Variants in HIVEP1 observed in about 807,000 individuals in gnomAD.
The protein encoded by HIVEP1 is HIVEP zinc finger 1, also known as zinc finger protein 40.
HIVEP1 carries 36 observed loss-of-function variants against 180.0 expected under a neutral mutation model. The observed-to-expected ratio is 0.20, with a 90% confidence interval of 0.15 to 0.26. The LOEUF (loss-of-function observed/expected upper bound fraction) is 0.26, where lower values mean the gene tolerates loss of function less well. Ranked by LOEUF, HIVEP1 falls within the 10% of genes least tolerant of loss-of-function variation. The probability of loss-of-function intolerance (pLI) is 1.00; values close to 1 mark genes in which losing one functional copy is unlikely to be tolerated. For missense variants in HIVEP1, 3,143 were observed against 3,268.7 expected, an observed-to-expected ratio of 0.96 and a Z score of 0.94; for synonymous variants, 1,239 against 1,239.0, an observed-to-expected ratio of 1.00 and a Z score of 0.00.
chr6:12,168,354 T>C (rs1217856985), downstream of HIVEP1, among the ~76,000 whole-genome samples: 1,657 of 90,896 alleles, frequency 0.018, 23 homozygotes, highest in Middle Eastern at 0.038. Flanking sequence ...CATGTATATG[T>C]ATATATTATA....
In HIVEP1 at chr6:12,124,244, C is replaced by T; in HGVS notation, c.4449C>T (p.His1483=). ...CTGAGTTTTCTGCAAATACTTTGCA[C>T]TCTCAGACTCAGGTTAAGGATCTGC... ...SLAEFSANTL[H]SQTQVKDLQA... is the part of the protein sequence containing the mutation. The change falls in exon 4 of 9, where the codon CAC becomes CAT. Residue 1483 remains histidine (H), a synonymous_variant. Transcript: ENST00000379388. 6.2e-7 allele frequency: 1 copy of T among 1,614,138 alleles called. No individual in the cohort carries two copies. Among genetic ancestry groups the T allele is most frequent in the Admixed American group, 1.7e-5 (1 of 60,024 alleles).
the HIVEP1 span, among the ~76,000 whole-genome samples, chr6:12,173,072 C>A: frequency 6.6e-6 from 1 of 152,020 alleles, no homozygotes; most frequent in East Asian, 1.9e-4. Flanking sequence ...AAAGAGCAAT[C>A]CAAAGTGACA....
intron 3 of HIVEP1, among the ~76,000 whole-genome samples, chr6:12,102,527 A>G (rs189743532): frequency 2.4e-4 from 36 of 152,296 alleles, no homozygotes; most frequent in Admixed American, 1.5e-3. Context: ...TGTACAAATG[A>G]CACCAAGGCT....
chr6:12,107,456 G>C (rs1774506053), intron 3 of HIVEP1, among the ~76,000 whole-genome samples: 1 of 152,222 alleles, frequency 6.6e-6, no homozygotes, highest in African/African-American at 2.4e-5. Context: ...TAAAGGTTGG[G>C]TGGCTGTTGC....
At chr6:12,135,232 A>T (rs1015822564) in intron 6 of HIVEP1, among the ~76,000 whole-genome samples, 7 of 152,182 alleles carry the variant, frequency 4.6e-5, no homozygotes, top group Non-Finnish European at 8.8e-5. Flanking sequence ...AAACAAAAAA[A>T]CTGGCCCAGA....
At chr6:12,141,314 C>T (rs569310548) in intron 7 of HIVEP1, among the ~76,000 whole-genome samples, 1 of 152,122 alleles carries the variant, frequency 6.6e-6, no homozygotes, top group East Asian at 1.9e-4. Flanking sequence ...TATAGACAAG[C>T]AAATGCTGAG....
the HIVEP1 span, among the ~76,000 whole-genome samples, chr6:12,186,951 G>A: frequency 1.5e-4 from 22 of 151,570 alleles, no homozygotes; most frequent in Non-Finnish European, 3.1e-4. Flanking sequence ...TTAAATACAT[G>A]GAAAATCTGG....
At chr6:12,096,549 G>T (rs569968764) in intron 3 of HIVEP1, among the ~76,000 whole-genome samples, 2 of 151,490 alleles carry the variant, frequency 1.3e-5, no homozygotes, top group East Asian at 3.9e-4. Context: ...ATTTTACAAT[G>T]ATATTATTAA....
intron 2 of HIVEP1, among the ~76,000 whole-genome samples, chr6:12,082,002 A>G (rs940368986): frequency 2.5e-4 from 38 of 152,122 alleles, no homozygotes; most frequent in African/African-American, 7.2e-5. Flanking sequence ...TTTGACATTG[A>G]AATGCTGTTC....
chr6:12,019,047 C>G (rs1214598583), intron 2 of HIVEP1, among the ~76,000 whole-genome samples: 1 of 152,114 alleles, frequency 6.6e-6, no homozygotes, highest in African/African-American at 2.4e-5. Context: ...AGTTGTTTGA[C>G]TAAGGTAGTT....
intron 7 of HIVEP1, among the ~76,000 whole-genome samples, chr6:12,146,306 G>GA (rs1445920297): frequency 6.6e-6 from 1 of 152,152 alleles, no homozygotes; most frequent in Non-Finnish European, 1.5e-5. Context: ...AGCCAGGCAT[G>GA]ATGGCGCATG....
chr6:12,111,708 C>A (rs986481047), intron 3 of HIVEP1, among the ~76,000 whole-genome samples: 7 of 152,238 alleles, frequency 4.6e-5, no homozygotes, highest in African/African-American at 1.7e-4. Flanking sequence ...TGTTCAATAC[C>A]TCTGACTTCA....
chr6:12,039,818 G>A (rs1041566838), intron 2 of HIVEP1, among the ~76,000 whole-genome samples: 1 of 152,156 alleles, frequency 6.6e-6, no homozygotes, highest in African/African-American at 2.4e-5. Context: ...ATGCAGCCAG[G>A]ACAGGGGATA....
At chr6:12,050,141 C>T (rs77619127) in intron 2 of HIVEP1, among the ~76,000 whole-genome samples, 4,678 of 152,232 alleles carry the variant, frequency 0.031, 228 homozygotes, top group African/African-American at 0.1. Flanking sequence ...CCTACTCCGC[C>T]AGCCCAGTGG....
the HIVEP1 span, among the ~76,000 whole-genome samples, chr6:12,209,055 T>C: frequency 6.6e-6 from 1 of 152,204 alleles, no homozygotes; most frequent in Non-Finnish European, 1.5e-5. Flanking sequence ...TTCTTTCAGA[T>C]ACCTTCCTGG....
At position 12,122,343 on chromosome 6, in the gene HIVEP1, G is replaced by A. The variant is rs756578605; in HGVS notation, c.2548G>A (p.Val850Ile). ...NSMPTTGYSA[V>I]PANIIPPPHP... The stretch of plus-strand genomic sequence containing the variant: ...CATGCCGACCACAGGTTATTCAGCA[G>A]TACCTGCAAATATAATACCTCCTCC... The change falls in exon 4 of 9, where the codon GTA becomes ATA. Residue 850 changes from valine (V) to isoleucine (I), a missense_variant. Coordinates refer to ENST00000379388, the MANE Select transcript of HIVEP1 (RefSeq NM_002114.4). The A allele has an allele frequency of 1.2e-6, 2 of 1,614,222 alleles. No individual in the cohort carries two copies. Among genetic ancestry groups the A allele is most frequent in the South Asian group, 2.2e-5 (2 of 91,082 alleles).
intron 2 of HIVEP1, among the ~76,000 whole-genome samples, chr6:12,057,906 C>T (rs1443782002): frequency 6.6e-6 from 1 of 152,114 alleles, no homozygotes; most frequent in Non-Finnish European, 1.5e-5. Context: ...TTTAGAGTAG[C>T]ACTCGGCATG....
intron 7 of HIVEP1, among the ~76,000 whole-genome samples, chr6:12,157,262 T>A (rs1241710359): frequency 6.6e-6 from 1 of 152,192 alleles, no homozygotes; most frequent in East Asian, 1.9e-4. Context: ...TTTTATTCAG[T>A]CCTAGTCATT....
At chr6:12,139,917 T>A (rs1004983064) in intron 7 of HIVEP1, among the ~76,000 whole-genome samples, 1 of 152,216 alleles carries the variant, frequency 6.6e-6, no homozygotes, top group Non-Finnish European at 1.5e-5. Flanking sequence ...AGGGCATAGC[T>A]GAGCAAAAGA....
Sources: allele counts gnomAD v4.1 joint callset (sites outside exome capture counted in the v4.1 genomes callset), GRCh38; gene constraint gnomAD v4.1.1; transcripts MANE v1.5; gene names NCBI Gene and HGNC (gene_info 2026-07-23, HGNC 2026-07-21).